The following CAPN5 variants were observed in gnomAD, a reference collection of about 807,000 sequenced individuals.
CAPN5 encodes calpain 5.
Under a neutral mutation model 73.0 loss-of-function variants are expected in CAPN5, and 54 were observed. That is an observed-to-expected ratio of 0.74 (90% CI 0.59 to 0.93). The LOEUF is 0.93. CAPN5 is among the 40% of genes least tolerant of loss of function. The pLI, the probability that CAPN5 is intolerant of heterozygous loss-of-function variation, is 0.00. For missense variants in CAPN5, 785 were observed against 882.9 expected (o/e 0.89, Z 1.41); for synonymous variants, 335 against 356.9 (o/e 0.94, Z 0.69).
intron 2 of CAPN5, among the ~76,000 whole-genome samples, chr11:77,087,446 C>A (rs571409202): frequency 6.6e-6 from 1 of 152,328 alleles, no homozygotes; most frequent in East Asian, 1.9e-4. Context: ...TCCCCTCCAG[C>A]TCCTTCTCTG....
At chr11:77,116,177 G>C (rs11606456) in intron 6 of CAPN5, 49 bp from the exon 7 acceptor site, 471,137 of 1,531,476 alleles carry the variant, frequency 0.31, 74,567 homozygotes, top group African/African-American at 0.46. Flanking sequence ...TTCTGGTGGG[G>C]CTGCCTCTTA....
intron 3 of CAPN5, among the ~76,000 whole-genome samples, chr11:77,098,246 C>T (rs1293626784): frequency 2.3e-5 from 2 of 88,848 alleles, no homozygotes; most frequent in African/African-American, 1.1e-4. Flanking sequence ...CCCCACCTCC[C>T]TCCCGGACGG....
chr11:77,088,092 A>C, intron 2 of CAPN5: 1 of 1,514,282 alleles, frequency 6.6e-7, no homozygotes, highest in Non-Finnish European at 8.8e-7. Context: ...CTGTGGGGGC[A>C]ACATCCCCTC....
intron 10 of CAPN5, 143 bp from the exon 11 acceptor site, chr11:77,121,791 A>G (rs1258357403): frequency 3.6e-6 from 2 of 551,460 alleles, no homozygotes; most frequent in Non-Finnish European, 6.4e-6. Flanking sequence ...GGGACTGCCC[A>G]TGGGGATTTG....
chr11:77,076,583 TA>T (rs1949970834), intron 1 of CAPN5, among the ~76,000 whole-genome samples: 1 of 152,224 alleles, frequency 6.6e-6, no homozygotes, highest in African/African-American at 2.4e-5. Flanking sequence ...GTTCAACTTT[TA>T]AAAAATTCCA....
At chr11:77,077,835 T>C (rs1372594432) in intron 1 of CAPN5, among the ~76,000 whole-genome samples, 1 of 152,192 alleles carries the variant, frequency 6.6e-6, no homozygotes, top group African/African-American at 2.4e-5. Context: ...ATTTTTTTCA[T>C]ATGCCTATTG....
chr11:77,073,097 A>G, intron 1 of CAPN5: 1 of 1,289,818 alleles, frequency 7.8e-7, no homozygotes, highest in South Asian at 1.2e-5. Context: ...TGCTGTCAGC[A>G]CTTTCTCTGC....
intron 10 of CAPN5, among the ~76,000 whole-genome samples, chr11:77,121,129 A>G (rs932933503): frequency 3.9e-5 from 6 of 152,246 alleles, no homozygotes; most frequent in African/African-American, 1.4e-4. Context: ...TGCACTCTAC[A>G]GTTGACAAAG....
chr11:77,104,102 A>G (rs1198738181), intron 3 of CAPN5, among the ~76,000 whole-genome samples: 2 of 152,204 alleles, frequency 1.3e-5, no homozygotes, highest in African/African-American at 4.8e-5. Context: ...GCAGTTTTAG[A>G]TTATCTGTTC....
At chr11:77,111,942 G>C (rs1262951866) in intron 3 of CAPN5, among the ~76,000 whole-genome samples, 1 of 152,090 alleles carries the variant, frequency 6.6e-6, no homozygotes, top group Non-Finnish European at 1.5e-5. Context: ...GAGCAGGGGT[G>C]GGGGCTGCTG....
At chr11:77,071,754 C>T in intron 1 of CAPN5, 2 of 410,760 alleles carry the variant, frequency 4.9e-6, no homozygotes, top group Non-Finnish European at 1.0e-5. Flanking sequence ...GTATGGGGAG[C>T]AGGCGCTGGC....
At chr11:77,087,510 C>T (rs189622134) in intron 2 of CAPN5, among the ~76,000 whole-genome samples, 1 of 152,260 alleles carries the variant, frequency 6.6e-6, no homozygotes, top group Non-Finnish European at 1.5e-5. Flanking sequence ...CAGCCAGCCT[C>T]CCAGCCTCGC....
At chr11:77,081,071 T>G (rs1301414021) in intron 1 of CAPN5, among the ~76,000 whole-genome samples, 1 of 152,188 alleles carries the variant, frequency 6.6e-6, no homozygotes, top group African/African-American at 2.4e-5. Context: ...GAGCCTTCCC[T>G]GGAGATGATG....
intron 3 of CAPN5, among the ~76,000 whole-genome samples, chr11:77,098,854 G>C (rs1401568019): frequency 7.2e-6 from 1 of 139,522 alleles, no homozygotes; most frequent in African/African-American, 2.8e-5. Flanking sequence ...CCTCCCGGAC[G>C]GGGTGGCTGC....
Position 77,103,050 on chromosome 11 carries a change from G to A in CAPN5, c.297+9237G>A, listed in dbSNP as rs782325915. The A allele has an allele frequency of 1.5e-5, 24 of 1,613,558 alleles. No individual in the cohort carries two copies. Among genetic ancestry groups the A allele is most frequent in the African/African-American group, 6.7e-5 (5 of 74,928 alleles). ...GCTACAGTTCGAGCGCTGGAATGTC[G>A]TGCTGGACAAGCCGGGCAAGGTCAC... On this transcript the variant is annotated intron_variant, in intron 3 of 12. Transcript: ENST00000648180.
intron 12 of CAPN5, among the ~76,000 whole-genome samples, chr11:77,123,003 C>T (rs1208871485): frequency 3.3e-5 from 5 of 152,254 alleles, no homozygotes; most frequent in African/African-American, 1.2e-4. Context: ...GCTTTGGGAA[C>T]TATCCCTCCC....
rs1950457115 is a variant in CAPN5, at chr11:77,115,454, A to G, written c.759A>G (p.Ala253=). Residue 253 remains alanine, a synonymous_variant, in exon 6 of 13, where the codon GCA becomes GCG. Coordinates refer to ENST00000648180, the MANE Select transcript of CAPN5 (RefSeq NM_004055.5). ...RLACGLVKGH[A]YAVTDVRKVR... ...CGTGCGGCCTGGTAAAGGGCCACGC[A>G]TACGCCGTCACTGATGTGCGCAAGG... is the stretch of plus-strand genomic sequence containing the variant. 3 of 1,612,716 alleles carry G rather than the reference A, an allele frequency of 1.9e-6. No homozygotes were observed. The highest frequency in any genetic ancestry group is 1.3e-5 in the African/African-American group (1 of 74,930).
intron 2 of CAPN5, chr11:77,087,933 T>C: frequency 1.3e-6 from 2 of 1,536,050 alleles, no homozygotes; most frequent in Non-Finnish European, 1.7e-6. Flanking sequence ...ATGTTTTTGT[T>C]CTTTCCAGTA....
chr11:77,097,088 G>A (rs1555037576), intron 3 of CAPN5, among the ~76,000 whole-genome samples: 1 of 152,310 alleles, frequency 6.6e-6, no homozygotes, highest in East Asian at 1.9e-4. Flanking sequence ...CAGGCGTGGT[G>A]GTGGGCGCCT....
Sources: allele counts gnomAD v4.1 joint callset (sites outside exome capture counted in the v4.1 genomes callset), GRCh38; gene constraint gnomAD v4.1.1; transcripts MANE v1.5; gene names NCBI Gene and HGNC (gene_info 2026-07-23, HGNC 2026-07-21).